HDGF: variants seen among roughly 807,000 people sequenced by gnomAD.
HDGF encodes the protein hepatoma-derived growth factor.
Under a neutral mutation model 30.0 loss-of-function variants are expected in HDGF, and 5 were observed. That is an observed-to-expected ratio of 0.17 (90% CI 0.09 to 0.35). The LOEUF is 0.35. HDGF is among the 10% of genes least tolerant of loss of function. The pLI is 1.00. For missense variants in HDGF, 214 were observed against 302.8 expected, an observed-to-expected ratio of 0.71 and a Z score of 2.18; for synonymous variants, 133 against 112.7, an observed-to-expected ratio of 1.18 and a Z score of -1.14.
intron 1 of HDGF, among the ~76,000 whole-genome samples, chr1:156,763,789 T>C (rs1265093465): frequency 6.6e-6 from 1 of 152,210 alleles, no homozygotes; most frequent in Non-Finnish European, 1.5e-5. Flanking sequence ...GGTTTCACCG[T>C]GTTGCCCAGG....
At position 156,743,894 on chromosome 1, in the gene HDGF, A is replaced by G; in HGVS notation, c.490-16T>C. On this transcript the variant is annotated splice_polypyrimidine_tract_variant and intron_variant, in intron 4 of 5. Transcript: ENST00000357325. ...TAGGAGAGTCCTAGGCAGGATCAAC[A>G]GAGGAAGTGGGCTGAGGCTGGAGAG... The G allele has an allele frequency of 6.3e-7, 1 of 1,591,978 alleles. No individual in the cohort carries two copies. Among genetic ancestry groups the G allele is most frequent in the Non-Finnish European group, 8.6e-7 (1 of 1,159,950 alleles).
At chr1:156,748,514 T>C (rs1650747531) in intron 1 of HDGF, among the ~76,000 whole-genome samples, 1 of 152,198 alleles carries the variant, frequency 6.6e-6, no homozygotes. Flanking sequence ...GGCTACCTCT[T>C]AACCATTCCA....
At chr1:156,747,312 C>G (rs929647472) in intron 1 of HDGF, 2 of 137,128 alleles carry the variant, frequency 1.5e-5, no homozygotes, top group African/African-American at 5.3e-5. Context: ...ACTAACACAC[C>G]CCACCCCCAA....
chr1:156,751,319 G>C lies in HDGF; in HGVS notation c.87+24C>G, dbSNP rs747242740. ...GCAACCCAAGCCCGCAGGGGGTTAG[G>C]GGGCGGCGGGCCGCGCTGCTCACCC... is the stretch of plus-strand genomic sequence containing the variant. On this transcript the variant is annotated intron_variant, in intron 1 of 5. Transcript: ENST00000357325. The surrounding 1 kb of genome is among the most constrained non-coding windows in gnomAD (Gnocchi z 4.7). The C allele has an allele frequency of 3.1e-6, 5 of 1,603,834 alleles. No individual in the cohort carries two copies. The highest frequency in any genetic ancestry group is 4.3e-6 in the Non-Finnish European group (5 of 1,174,812).
intron 1 of HDGF, among the ~76,000 whole-genome samples, chr1:156,746,381 G>A (rs1650548100): frequency 6.6e-6 from 1 of 152,220 alleles, no homozygotes; most frequent in Non-Finnish European, 1.5e-5. Flanking sequence ...AAGTGGAGGG[G>A]TGAGGTCAAA....
At position 156,742,324 on chromosome 1, in the gene HDGF, G is replaced by C. The variant is rs1558029280; in HGVS notation, c.*1125C>G. 6.6e-6 allele frequency: 1 copy of C among 152,592 alleles called. No individual in the cohort carries two copies. The highest frequency in any genetic ancestry group is 1.5e-5 in the Non-Finnish European group (1 of 68,064). The allele number at this position is 152,592 out of a possible 1,614,324, so 9.5% of individuals were successfully genotyped here. A position where few individuals can be genotyped will look rare whatever the true frequency, so the allele number is the denominator to read the frequency against. On this transcript the variant is annotated 3_prime_UTR_variant, in exon 6 of 6. Coordinates refer to ENST00000357325, the MANE Select transcript of HDGF (RefSeq NM_004494.3). ...TGTCCTCTCAGTGGGTTACAAATCA[G>C]ATCTGGTGACAACACTGAGGGGGCC...
intron 1 of HDGF, among the ~76,000 whole-genome samples, chr1:156,760,158 G>A (rs772441052): frequency 1.3e-5 from 2 of 152,380 alleles, no homozygotes; most frequent in East Asian, 3.9e-4. Context: ...GCCCCCAGGT[G>A]TGTCTGCATT....
rs768898439 is a variant in HDGF, at chr1:156,744,214, C to T, written c.438G>A (p.Lys146=). The change falls in exon 4 of 6, where the codon AAG becomes AAA. Residue 146 remains lysine (K), a synonymous_variant. Coordinates refer to ENST00000357325, the MANE Select transcript of HDGF (RefSeq NM_004494.3). ...EGKLVIDEPA[K]EKNEKGALKR... ...TCAACGCTCCTTTCTCGTTCTTCTCCTTGGCTGGCTCATCAATGACCAGCT... is the reference window on the plus strand; with the variant it reads ...TCAACGCTCCTTTCTCGTTCTTCTCTTTGGCTGGCTCATCAATGACCAGCT... The T allele has an allele frequency of 6.2e-6, 10 of 1,614,054 alleles. No homozygotes were observed. The South Asian group carries it at 8.8e-5, about 14-fold the overall frequency.
intron 5 of HDGF, 36 bp downstream of exon 5, chr1:156,743,615 CT>C (rs762089779): frequency 7.6e-6 from 12 of 1,572,770 alleles, no homozygotes; most frequent in East Asian, 2.2e-5. Context: ...CCGGTCCCCC[CT>C]AGTCCAGCTG....
Position 156,751,259 on chromosome 1 carries a change from T to C in HDGF, c.87+84A>G. The C allele has an allele frequency of 6.7e-7, 1 of 1,483,486 alleles. No individual in the cohort carries two copies. The highest frequency in any genetic ancestry group is 1.2e-5 in the South Asian group (1 of 80,002). 91.9% of individuals were successfully genotyped at this position (1,483,486 alleles called of 1,614,324 possible). On this transcript the variant is annotated intron_variant, in intron 1 of 5. Coordinates refer to ENST00000357325, the MANE Select transcript of HDGF (RefSeq NM_004494.3). This position sits in a 1 kb window ranked among gnomAD's most constrained non-coding sequence, Gnocchi z 4.7. ...GCCCCCTGCCCCCACCTCTGCCCGC[T>C]CCGCGCGGAGCGCTCGTGCCCTTCC...
upstream of HDGF, among the ~76,000 whole-genome samples, chr1:156,753,898 TTTTG>T (rs553011912): frequency 1.3e-4 from 20 of 151,630 alleles, no homozygotes; most frequent in South Asian, 2.9e-3. Context: ...AAACATGGTT[TTTTG>T]TTTGTTTGTT....
At chr1:156,763,509 C>T (rs4584383) in intron 1 of HDGF, among the ~76,000 whole-genome samples, 3,640 of 151,850 alleles carry the variant, frequency 0.024, 54 homozygotes, top group Non-Finnish European at 0.034. Context: ...CCACCATGTC[C>T]GGCCCTCATT....
chr1:156,752,478 C>T, upstream of HDGF: 1 of 910,704 alleles, frequency 1.1e-6, no homozygotes. Context: ...CCAATAAACC[C>T]AACCCCTTCA....
intron 1 of HDGF, among the ~76,000 whole-genome samples, chr1:156,760,080 T>G (rs1195106020): frequency 2.0e-5 from 3 of 152,242 alleles, no homozygotes; most frequent in Non-Finnish European, 4.4e-5. Context: ...GTACTGGAAG[T>G]AACTTTGCTG....
Position 156,751,492 on chromosome 1 carries a change from G to C in HDGF, c.-63C>G. ...GGGAAGCGCGAGCCCAAGTTTGCGC[G>C]TGCGGCGGTGGCGGCGCCGCTCCGC... is the stretch of plus-strand genomic sequence containing the variant. On this transcript the variant is annotated 5_prime_UTR_variant, in exon 1 of 6. Coordinates refer to ENST00000357325, the MANE Select transcript of HDGF (RefSeq NM_004494.3). This position sits in a 1 kb window ranked among gnomAD's most constrained non-coding sequence, Gnocchi z 4.7. 7.9e-7 allele frequency: 1 copy of C among 1,267,328 alleles called. No homozygotes were observed. The highest frequency in any genetic ancestry group is 1.0e-6 in the Non-Finnish European group (1 of 995,360). The allele number at this position is 1,267,328 out of a possible 1,614,324, so 78.5% of individuals were successfully genotyped here. A position where few individuals can be genotyped will look rare whatever the true frequency, so the allele number is the denominator to read the frequency against.
chr1:156,766,300 C>T (rs748678739), intron 1 of HDGF, among the ~76,000 whole-genome samples: 9 of 152,184 alleles, frequency 5.9e-5, no homozygotes, highest in Non-Finnish European at 1.2e-4. Context: ...TCTTCAGCCT[C>T]CTCCCAAAAC....
chr1:156,752,409 C>T, upstream of HDGF: 1 of 1,518,160 alleles, frequency 6.6e-7, no homozygotes, highest in Non-Finnish European at 9.0e-7. Flanking sequence ...GAGACTTGGA[C>T]TCAACGGCTA....
chr1:156,743,132 A>C lies in HDGF; in HGVS notation c.*317T>G, dbSNP rs1571537371. The C allele has an allele frequency of 6.6e-6, 2 of 304,552 alleles. No individual in the cohort carries two copies. The allele number at this position is 304,552 out of a possible 1,614,324, so 18.9% of individuals were successfully genotyped here. A position where few individuals can be genotyped will look rare whatever the true frequency, so the allele number is the denominator to read the frequency against. ...GAGAAGGGTGTCAGGAGGTGGGAGCAGTTGTCCCAGGCCCCAGCAGAAGCC... is the reference window on the plus strand; with the variant it reads ...GAGAAGGGTGTCAGGAGGTGGGAGCCGTTGTCCCAGGCCCCAGCAGAAGCC... On this transcript the variant is annotated 3_prime_UTR_variant, in exon 6 of 6. Transcript: ENST00000357325.
chr1:156,766,704 CACAGCCAGGTAGG>C (rs1651389096), intron 1 of HDGF: 1 of 152,310 alleles, frequency 6.6e-6, no homozygotes, highest in Non-Finnish European at 1.5e-5. Context: ...AGGTGGGAGG[CACAGCCAGGTAGG>C]ACGGACTCAA....
Sources: gnomAD v4.1 joint callset for allele counts (sites outside exome capture counted in the v4.1 genomes callset) on GRCh38, gnomAD v4.1.1 for gene constraint, Gnocchi (gnomAD v3.1) non-coding constraint, MANE v1.5 for transcripts, NCBI Gene and HGNC (gene_info 2026-07-23, HGNC 2026-07-21) for gene names.